Variants in PM20D1 observed in about 807,000 individuals in gnomAD.
The protein encoded by PM20D1 is peptidase M20 domain containing 1, also known as N-fatty-acyl-amino acid synthase/hydrolase PM20D1.
Under a neutral mutation model 53.8 loss-of-function variants are expected in PM20D1, and 53 were observed. The ratio of observed to expected loss-of-function variants is 0.98; its 90% confidence interval spans 0.79 to 1.24. The LOEUF (loss-of-function observed/expected upper bound fraction) is 1.24, where lower values mean the gene tolerates loss of function less well. Ranked by LOEUF, PM20D1 falls within the 50% of genes most tolerant of loss-of-function variation. PM20D1 has a pLI of 0.00. For synonymous variants in PM20D1, 239 were observed against 241.3 expected, an observed-to-expected ratio of 0.99 and a Z score of 0.09; for missense variants, 564 against 616.8, an observed-to-expected ratio of 0.91 and a Z score of 0.91.
intron 10 of PM20D1, among the ~76,000 whole-genome samples, chr1:205,835,549 G>A (rs1254511712): frequency 6.6e-6 from 1 of 151,216 alleles, no homozygotes; most frequent in Non-Finnish European, 1.5e-5. Flanking sequence ...CTGCTCGGGA[G>A]GCTGAGGCAG....
intron 10 of PM20D1, among the ~76,000 whole-genome samples, chr1:205,834,225 G>A (rs111474241): frequency 0.013 from 1,932 of 148,854 alleles, 37 homozygotes; most frequent in African/African-American, 0.045. Flanking sequence ...GCACCATCTC[G>A]GCTCACTGCG....
intron 11 of PM20D1, among the ~76,000 whole-genome samples, chr1:205,830,825 G>A (rs978920999): frequency 9.1e-5 from 12 of 131,942 alleles, no homozygotes; most frequent in African/African-American, 3.2e-4. Flanking sequence ...GGCCATGGCT[G>A]TTTGCTGTTC....
intron 3 of PM20D1, 76 bp from the exon 4 acceptor site, chr1:205,844,973 G>A: frequency 7.7e-7 from 1 of 1,300,526 alleles, no homozygotes; most frequent in Non-Finnish European, 1.1e-6. Context: ...GAGACATTCA[G>A]TTGCCTGTTA....
intron 10 of PM20D1, among the ~76,000 whole-genome samples, chr1:205,835,525 G>A (rs1320854217): frequency 6.6e-6 from 1 of 151,902 alleles, no homozygotes; most frequent in Non-Finnish European, 1.5e-5. Flanking sequence ...GGTGGCGGGC[G>A]CCTGGAGTCC....
chr1:205,832,633 T>G lies in PM20D1; in HGVS notation c.1250A>C (p.Gln417Pro). Residue 417 changes from glutamine to proline, a missense_variant, in exon 11 of 13, where the codon CAG becomes CCG. Gln to Pro is a moderately conservative substitution (Grantham distance 76, BLOSUM62 -1). Coordinates refer to ENST00000367136, the MANE Select transcript of PM20D1 (RefSeq NM_152491.5). ...AATATTGACTTCCGGGAAGACGGAC[T>G]GTACGGTCTGGCGGAGCAGCTGGTA... The part of the protein sequence containing the change: ...LGYQLLRQTV[Q>P]SVFPEVNITA... 1 of 1,614,166 alleles carries G rather than the reference T, an allele frequency of 6.2e-7. No homozygotes were observed. The highest frequency in any genetic ancestry group is 1.1e-5 in the South Asian group (1 of 91,084).
In PM20D1 at chr1:205,832,660, C is replaced by CTG; in HGVS notation, c.1222_1223insCA (p.Gly408AlafsTer73). On this transcript the variant is annotated frameshift_variant, in exon 11 of 13. Transcript: ENST00000367136. LOFTEE classifies it high-confidence loss of function. ...TACGGTCTGGCGGAGCAGCTGGTAG[C>CTG]CCAAGGCCTTGTCATCAGAAGGGCT... 2 of 1,614,088 alleles carry CTG rather than the reference C, an allele frequency of 1.2e-6. No individual in the cohort carries two copies. Among genetic ancestry groups the CTG allele is most frequent in the Non-Finnish European group, 1.7e-6 (2 of 1,180,012 alleles).
intron 10 of PM20D1, among the ~76,000 whole-genome samples, chr1:205,838,998 T>C (rs1177580143): frequency 6.6e-6 from 1 of 152,198 alleles, no homozygotes; most frequent in African/African-American, 2.4e-5. Flanking sequence ...CTCCTTCTCT[T>C]CCAGCACTCC....
At position 205,841,906 on chromosome 1, in the gene PM20D1, A is replaced by C; in HGVS notation, c.966-17T>G. 8.4e-6 allele frequency: 13 copies of C among 1,552,440 alleles called. No homozygotes were observed. Among genetic ancestry groups the C allele is most frequent in the Non-Finnish European group, 1.1e-5 (13 of 1,145,848 alleles). ...TCCATAAACCTAAAACAAAAGGACC[A>C]AGGTCAGATGTTAGAAAGAACCAAT... On this transcript the variant is annotated splice_polypyrimidine_tract_variant and intron_variant, in intron 8 of 12. Transcript: ENST00000367136.
At chr1:205,835,651 C>CAAAAAA (rs59126866) in intron 10 of PM20D1, among the ~76,000 whole-genome samples, 8 of 55,562 alleles carry the variant, frequency 1.4e-4, no homozygotes, top group Non-Finnish European at 1.8e-4. Flanking sequence ...GACTCCGACT[C>CAAAAAA]AAAAAAAAAA....
In PM20D1 at chr1:205,844,856, G is replaced by C; in HGVS notation, c.531C>G (p.Tyr177Ter). 6.2e-7 allele frequency: 1 copy of C among 1,614,016 alleles called. No individual in the cohort carries two copies. Among genetic ancestry groups the C allele is most frequent in the South Asian group, 1.1e-5 (1 of 91,078 alleles). ...AAATGAAGAAAGATCTTCGGGGGAT[G>C]TACTTCCTGATCAGCAGGAGCTCCA... ...QALELLLIRK[Y>*]IPRRSFFISL... Residue 177 changes from tyrosine (Y) to a stop codon, truncating the protein, a stop_gained, in exon 4 of 13, where the codon TAC (tyrosine) becomes TAG (stop). Coordinates refer to ENST00000367136, the MANE Select transcript of PM20D1 (RefSeq NM_152491.5). LOFTEE classifies it high-confidence loss of function.
intron 4 of PM20D1, among the ~76,000 whole-genome samples, chr1:205,844,550 A>C (rs896759634): frequency 2.6e-5 from 4 of 151,852 alleles, no homozygotes; most frequent in African/African-American, 7.3e-5. Context: ...TATGTTTCTT[A>C]GGGTATAGGT....
intron 10 of PM20D1, among the ~76,000 whole-genome samples, chr1:205,833,068 A>G (rs76264619): frequency 6.6e-6 from 1 of 152,194 alleles, no homozygotes; most frequent in Non-Finnish European, 1.5e-5. Flanking sequence ...AATCAAACCA[A>G]CGAAGTGGCA....
rs922485515 is a variant in PM20D1, at chr1:205,842,583, C to T, written c.903+93G>A. The T allele has an allele frequency of 1.2e-5, 15 of 1,243,964 alleles. No homozygotes were observed. The African/African-American group carries it at 2.1e-4, about 17-fold the overall frequency. The allele number at this position is 1,243,964 out of a possible 1,614,324, so 77.1% of individuals were successfully genotyped here. ...AGGTGAGAATAGGCAGAGTGCTGGA[C>T]AGTACTAGGGTCCTTTTCTTACTCT... On this transcript the variant is annotated intron_variant, in intron 7 of 12. Coordinates refer to ENST00000367136, the MANE Select transcript of PM20D1 (RefSeq NM_152491.5).
chr1:205,845,675 T>C (rs1656939828), intron 2 of PM20D1, 118 bp from the exon 3 acceptor site: 1 of 798,676 alleles, frequency 1.3e-6, no homozygotes, highest in Non-Finnish European at 1.9e-6. Flanking sequence ...CATCCTCCTT[T>C]AGGAAGCCTT....
Position 205,832,725 on chromosome 1 carries a change from G to A in PM20D1, c.1158C>T (p.Val386=). ...CAAAGGCACTCAACACATGGAACTG[G>A]ACTCTGTTATCAGCCACAATGTTCT... ...LTKNIVADNR[V]QFHVLSAFDP... Residue 386 remains valine, a synonymous_variant, in exon 11 of 13, where the codon GTC becomes GTT. Transcript: ENST00000367136. The A allele has an allele frequency of 1.2e-6, 2 of 1,612,424 alleles. No homozygotes were observed.
chr1:205,838,703 A>G (rs1251094267), intron 10 of PM20D1, among the ~76,000 whole-genome samples: 2 of 152,182 alleles, frequency 1.3e-5, no homozygotes, highest in East Asian at 3.8e-4. Flanking sequence ...TGCCTATTTC[A>G]TATGTTATAA....
rs779144928 is a variant in PM20D1 at position 205,850,059 on chromosome 1, C to T, written c.14G>A (p.Cys5Tyr). Residue 5 changes from cysteine to tyrosine, a missense_variant, in exon 1 of 13, where the codon TGC becomes TAC. Coordinates refer to ENST00000367136, the MANE Select transcript of PM20D1 (RefSeq NM_152491.5). MAQR[C>Y]VCVLALVAML... ...AGCCACCAGGGCCAGCACGCAAACG[C>T]ACCGCTGAGCCATGCTTCTCTCGAG... 2.5e-6 allele frequency: 4 copies of T among 1,613,482 alleles called. No individual in the cohort carries two copies. Among genetic ancestry groups the T allele is most frequent in the Non-Finnish European group, 1.7e-6 (2 of 1,179,526 alleles).
intron 9 of PM20D1, among the ~76,000 whole-genome samples, chr1:205,840,866 C>A (rs916879257): frequency 1.3e-5 from 2 of 152,190 alleles, no homozygotes; most frequent in African/African-American, 4.8e-5. Context: ...AAGTAACCTT[C>A]AGAGTAAGAA....
intron 2 of PM20D1, 142 bp from the exon 3 acceptor site, chr1:205,845,699 A>G (rs950861375): frequency 7.5e-6 from 5 of 667,550 alleles, no homozygotes; most frequent in Non-Finnish European, 1.3e-5. Context: ...GGACAAAGCT[A>G]GTCTGATTCC....
Sources: gnomAD v4.1 joint callset for allele counts (sites outside exome capture counted in the v4.1 genomes callset) on GRCh38, gnomAD v4.1.1 for gene constraint, MANE v1.5 for transcripts, NCBI Gene and HGNC (gene_info 2026-07-23, HGNC 2026-07-21) for gene names.